Variants in STK3 observed in about 807,000 individuals in gnomAD.
The protein encoded by STK3 is serine/threonine kinase 3.
STK3 carries 41 observed loss-of-function variants against 58.0 expected under a neutral mutation model. That is an observed-to-expected ratio of 0.71 (90% confidence interval 0.55 to 0.92). The LOEUF is 0.92. Among genes scored for constraint, STK3 ranks in the 40% least tolerant of loss-of-function variants. The pLI is 0.00. For synonymous variants in STK3, 170 were observed against 191.0 expected (o/e 0.89, Z 0.91); for missense variants, 479 against 602.7 (o/e 0.79, Z 2.15).
At chr8:98,795,756 G>C (rs1391099809) in intron 1 of STK3, among the ~76,000 whole-genome samples, 1 of 151,878 alleles carries the variant, frequency 6.6e-6, no homozygotes, top group Non-Finnish European at 1.5e-5. Context: ...TTCCAGCTGA[G>C]AGCCAAGTCA....
chr8:98,487,562 G>A (rs1165188873), intron 10 of STK3, among the ~76,000 whole-genome samples: 3 of 152,084 alleles, frequency 2.0e-5, no homozygotes, highest in Non-Finnish European at 2.9e-5. Flanking sequence ...TTTTTTGTCA[G>A]GTACAATCAT....
intron 6 of STK3, among the ~76,000 whole-genome samples, chr8:98,646,967 A>C (rs1820444872): frequency 6.6e-6 from 1 of 152,146 alleles, no homozygotes; most frequent in East Asian, 1.9e-4. Context: ...AATCCTTTAA[A>C]AATGTAAATC....
intron 4 of STK3, among the ~76,000 whole-genome samples, chr8:98,708,126 G>A (rs993653616): frequency 6.7e-6 from 1 of 149,358 alleles, no homozygotes; most frequent in Non-Finnish European, 1.5e-5. Context: ...GCGACACAGC[G>A]AGACTCCATC....
chr8:98,405,516 G>A (rs925918642), intron 3 of STK3, among the ~76,000 whole-genome samples: 16 of 152,082 alleles, frequency 1.1e-4, no homozygotes, highest in African/African-American at 2.4e-4. Context: ...ATCACTGTGC[G>A]TGGAATGTAA....
intron 6 of STK3, among the ~76,000 whole-genome samples, chr8:98,596,613 C>A (rs576913373): frequency 6.6e-6 from 1 of 152,206 alleles, no homozygotes; most frequent in East Asian, 1.9e-4. Context: ...AAAATTACTG[C>A]TATAATTTGA....
At chr8:98,709,995 A>G (rs912194912) in intron 4 of STK3, among the ~76,000 whole-genome samples, 3 of 152,106 alleles carry the variant, frequency 2.0e-5, no homozygotes, top group Non-Finnish European at 4.4e-5. Context: ...TGTTACATAT[A>G]GTACTGGAGG....
chr8:98,349,761 G>T, the STK3 span, among the ~76,000 whole-genome samples: 1 of 152,180 alleles, frequency 6.6e-6, no homozygotes, highest in Non-Finnish European at 1.5e-5. Flanking sequence ...TGAAGCCATG[G>T]CCTGAGTTGT....
At chr8:98,553,953 AG>A (rs200125566) in intron 8 of STK3, among the ~76,000 whole-genome samples, 4 of 151,840 alleles carry the variant, frequency 2.6e-5, no homozygotes, top group Admixed American at 1.3e-4. Context: ...TCCATCCCAA[AG>A]GGAAAAAAAA....
intron 6 of STK3, among the ~76,000 whole-genome samples, chr8:98,667,053 G>C (rs891318823): frequency 3.3e-5 from 5 of 152,048 alleles, no homozygotes; most frequent in Admixed American, 1.3e-4. Flanking sequence ...ACTGAGTCCA[G>C]ATATTTTTTC....
At chr8:98,878,866 T>G (rs1837672778), downstream of STK3, 1 of 152,226 alleles carries the variant, frequency 6.6e-6, no homozygotes, top group Non-Finnish European at 1.5e-5. Flanking sequence ...GCCAAAAAAG[T>G]CTATTGATAG....
chr8:98,601,736 C>A (rs192429513), intron 6 of STK3: 82 of 152,274 alleles, frequency 5.4e-4, no homozygotes, highest in African/African-American at 1.8e-3. Flanking sequence ...ATGAGTGAGT[C>A]AGTGAAGCAC....
intron 7 of STK3, among the ~76,000 whole-genome samples, chr8:98,590,950 T>C (rs949954621): frequency 6.6e-6 from 1 of 152,186 alleles, no homozygotes; most frequent in Non-Finnish European, 1.5e-5. Flanking sequence ...TGCCATCTTG[T>C]TTTTTCTGCA....
At chr8:98,859,125 A>G (rs1480186624) in intron 3 of STK3, among the ~76,000 whole-genome samples, 1 of 152,172 alleles carries the variant, frequency 6.6e-6, no homozygotes, top group East Asian at 1.9e-4. Flanking sequence ...TTTCACACCA[A>G]TAGCTATTCC....
chr8:98,643,701 A>G (rs1820194903), intron 6 of STK3, among the ~76,000 whole-genome samples: 1 of 152,202 alleles, frequency 6.6e-6, no homozygotes, highest in South Asian at 2.1e-4. Flanking sequence ...CACAACAAAT[A>G]TTTGTTGAAT....
chr8:98,931,677 C>T (rs902061147), intron 1 of STK3, among the ~76,000 whole-genome samples: 3 of 152,264 alleles, frequency 2.0e-5, no homozygotes, highest in African/African-American at 4.8e-5. Flanking sequence ...TGACTGGCCC[C>T]GCCCTAAATC....
chr8:98,720,846 T>C (rs1021975686), intron 4 of STK3, among the ~76,000 whole-genome samples: 1 of 151,614 alleles, frequency 6.6e-6, no homozygotes, highest in African/African-American at 2.4e-5. Context: ...AAATGTCTAA[T>C]TAGAACAGTT....
chr8:98,828,455 A>C (rs932372110), upstream of STK3, among the ~76,000 whole-genome samples: 16 of 150,672 alleles, frequency 1.1e-4, no homozygotes, highest in East Asian at 5.8e-4. Context: ...AAAAAAAAAA[A>C]AAAAAAAAAA....
chr8:98,559,641 T>G lies in STK3; in HGVS notation c.949-11480A>C, dbSNP rs576608845. Among the ~76,000 whole-genome samples the G allele has an allele frequency of 3.9e-5, 6 of 152,294 alleles. No homozygotes were observed. The East Asian group carries it at 1.2e-3, about 29-fold the overall frequency. Reference sequence around the variant, plus strand: ...TGGGATTCAGACCGCTGTATCCAACTGCCTGCTACACAAAATGACTTAAAT... The same window carrying G: ...TGGGATTCAGACCGCTGTATCCAACGGCCTGCTACACAAAATGACTTAAAT... On this transcript the variant is annotated intron_variant, in intron 8 of 10. Coordinates refer to ENST00000419617, the MANE Select transcript of STK3 (RefSeq NM_006281.4).
At chr8:98,422,096 G>A (rs1342842105) in intron 3 of STK3, among the ~76,000 whole-genome samples, 2 of 152,188 alleles carry the variant, frequency 1.3e-5, no homozygotes, top group African/African-American at 2.4e-5. Context: ...TGGAAGGGCT[G>A]TAGTCAAATG....
Sources: gnomAD v4.1 joint callset for allele counts (sites outside exome capture counted in the v4.1 genomes callset) on GRCh38, gnomAD v4.1.1 for gene constraint, MANE v1.5 for transcripts, NCBI Gene and HGNC (gene_info 2026-07-23, HGNC 2026-07-21) for gene names.